Variants in SRPK2 observed in about 807,000 individuals in gnomAD.
The protein encoded by SRPK2 is SFRS protein kinase 2.
SRPK2 carries 21 observed loss-of-function variants against 90.8 expected under a neutral mutation model. That is an observed-to-expected ratio of 0.23 (90% CI 0.16 to 0.33). SRPK2 has a LOEUF of 0.33. Ranked by LOEUF, SRPK2 falls within the 10% of genes least tolerant of loss-of-function variation. The pLI is 1.00. For synonymous variants in SRPK2, 288 were observed against 311.1 expected (o/e 0.93, Z 0.78); for missense variants, 620 against 869.0 (o/e 0.71, Z 3.60).
intron 14 of SRPK2, among the ~76,000 whole-genome samples, chr7:105,126,554 C>T (rs1801247367): frequency 6.6e-6 from 1 of 152,162 alleles, no homozygotes; most frequent in African/African-American, 2.4e-5. Flanking sequence ...CCCCAGGCCA[C>T]CCCAGCATCG....
chr7:105,371,180 G>C (rs1819646016), intron 2 of SRPK2, among the ~76,000 whole-genome samples: 4 of 150,990 alleles, frequency 2.6e-5, no homozygotes, highest in Admixed American at 6.6e-5. Flanking sequence ...AAGGTGAATG[G>C]ATCACTTGAG....
intron 2 of SRPK2, among the ~76,000 whole-genome samples, chr7:105,320,884 A>AT (rs1170883787): frequency 1.3e-5 from 2 of 152,134 alleles, no homozygotes; most frequent in Non-Finnish European, 2.9e-5. Context: ...CCAGGCTGGA[A>AT]TGGCGGTGTG....
intron 2 of SRPK2, among the ~76,000 whole-genome samples, chr7:105,255,492 G>A (rs894873650): frequency 6.6e-6 from 1 of 152,138 alleles, no homozygotes; most frequent in African/African-American, 2.4e-5. Flanking sequence ...GAAGGAAAAG[G>A]GAAAGGCGGG....
intron 15 of SRPK2, among the ~76,000 whole-genome samples, chr7:105,121,033 AG>A (rs1800270936): frequency 6.6e-6 from 1 of 152,202 alleles, no homozygotes; most frequent in South Asian, 2.1e-4. Context: ...TTACTATAAA[AG>A]TAGCACCCTA....
chr7:105,319,650 A>G (rs1482231534), intron 2 of SRPK2, among the ~76,000 whole-genome samples: 1 of 152,056 alleles, frequency 6.6e-6, no homozygotes, highest in Non-Finnish European at 1.5e-5. Flanking sequence ...TGGAGGATCC[A>G]TAAGCTAACA....
chr7:105,399,284 G>C (rs1554535604), exon 1 of SRPK2: 1 of 152,204 alleles, frequency 6.6e-6, no homozygotes, highest in Admixed American at 6.6e-5. Flanking sequence ...TTGCATAGCT[G>C]TTGCAGAGGC....
chr7:105,331,584 T>C (rs1167888063), intron 2 of SRPK2, among the ~76,000 whole-genome samples: 1 of 152,096 alleles, frequency 6.6e-6, no homozygotes, highest in Admixed American at 6.6e-5. Context: ...AGTTCACTCC[T>C]TCAATAACTA....
intron 2 of SRPK2, among the ~76,000 whole-genome samples, chr7:105,344,794 G>A (rs1484453101): frequency 1.3e-5 from 2 of 150,330 alleles, no homozygotes; most frequent in Non-Finnish European, 3.0e-5. Context: ...GAACAATTAG[G>A]CATTCTTCTG....
Position 105,330,788 on chromosome 7 carries a change from T to C in SRPK2, c.71+57860A>G, listed in dbSNP as rs79718965. On this transcript the variant is annotated intron_variant, in intron 2 of 15. Coordinates refer to ENST00000393651, the MANE Select transcript of SRPK2 (RefSeq NM_182692.3). ...TGAGGCCAGAAGTTTGAAACCAGCC[T>C]AGGCAATACAGTGAGACACCTGTCT... 1.6e-3 allele frequency among the ~76,000 whole-genome samples: 246 copies of C among 151,868 alleles called. 1 individual carries two copies. Among genetic ancestry groups the C allele is most frequent in the African/African-American group, 5.6e-3 (233 of 41,414 alleles).
At chr7:105,176,557 A>ATGTG (rs10691783) in intron 3 of SRPK2, among the ~76,000 whole-genome samples, 14,748 of 147,960 alleles carry the variant, frequency 0.1, 1,733 homozygotes, top group African/African-American at 0.29. Context: ...TTTTGCATAT[A>ATGTG]TGTGTGTGTG....
chr7:105,294,984 G>A (rs1421156448), intron 2 of SRPK2, among the ~76,000 whole-genome samples: 1 of 152,140 alleles, frequency 6.6e-6, no homozygotes, highest in African/African-American at 2.4e-5. Flanking sequence ...ACCGAGGCAG[G>A]TGGATCACCT....
chr7:105,237,973 C>A (rs1800337996), intron 2 of SRPK2, among the ~76,000 whole-genome samples: 1 of 152,172 alleles, frequency 6.6e-6, no homozygotes, highest in African/African-American at 2.4e-5. Flanking sequence ...AAGTTTGACA[C>A]AACTCATGAG....
chr7:105,283,770 C>A (rs755924407), intron 2 of SRPK2, among the ~76,000 whole-genome samples: 1 of 152,006 alleles, frequency 6.6e-6, no homozygotes, highest in East Asian at 1.9e-4. Context: ...GCAGGCAAGT[C>A]GTTTGAGCCC....
At chr7:105,348,165 G>A (rs542580957) in intron 2 of SRPK2, among the ~76,000 whole-genome samples, 9 of 130,220 alleles carry the variant, frequency 6.9e-5, no homozygotes, top group South Asian at 5.3e-4. Flanking sequence ...TCCGCCTCCC[G>A]GGTTCAAGCG....
chr7:105,132,699 G>C (rs1381772987), intron 13 of SRPK2, 92 bp downstream of exon 13: 2 of 1,015,472 alleles, frequency 2.0e-6, no homozygotes, highest in Non-Finnish European at 2.9e-6. Context: ...CAGAAAAACT[G>C]AGGTCGCATG....
chr7:105,179,824 CAAAAAAAAAA>C (rs1185836588), intron 3 of SRPK2, among the ~76,000 whole-genome samples: 1 of 60,266 alleles, frequency 1.7e-5, no homozygotes, highest in Non-Finnish European at 2.8e-5. Context: ...GAGTCCATCT[CAAAAAAAAAA>C]AAAAAAAAAA....
intron 2 of SRPK2, among the ~76,000 whole-genome samples, chr7:105,333,734 T>C (rs925551503): frequency 6.6e-6 from 1 of 152,192 alleles, no homozygotes; most frequent in African/African-American, 2.4e-5. Context: ...AATGAGCTTT[T>C]GGAAAATGTT....
intron 2 of SRPK2, among the ~76,000 whole-genome samples, chr7:105,380,947 T>TAAA (rs869039181): frequency 2.9e-5 from 3 of 104,122 alleles, no homozygotes; most frequent in Admixed American, 1.1e-4. Flanking sequence ...TTTATTACTT[T>TAAA]AAAAAAAAAA....
intron 2 of SRPK2, among the ~76,000 whole-genome samples, chr7:105,283,356 A>G (rs770161476): frequency 4.6e-5 from 7 of 152,254 alleles, no homozygotes; most frequent in Non-Finnish European, 1.0e-4. Context: ...TGTTCACAGC[A>G]GCATTACTCA....
Sources: gnomAD v4.1 joint callset for allele counts (sites outside exome capture counted in the v4.1 genomes callset) on GRCh38, gnomAD v4.1.1 for gene constraint, MANE v1.5 for transcripts, NCBI Gene and HGNC (gene_info 2026-07-23, HGNC 2026-07-21) for gene names.